DHX16: variants seen among roughly 807,000 people sequenced by gnomAD.
DHX16 encodes DEAH-box helicase 16, also known as pre-mRNA-splicing factor ATP-dependent RNA helicase DHX16.
In DHX16, 81 loss-of-function variants were observed where a neutral mutation model predicts 131.2. The ratio of observed to expected loss-of-function variants is 0.62; its 90% CI spans 0.52 to 0.74. DHX16 has a LOEUF of 0.74. Among genes scored for constraint, DHX16 ranks in the 30% least tolerant of loss-of-function variants. The pLI is 0.00. For synonymous variants in DHX16, 440 were observed against 520.2 expected (o/e 0.85, Z 2.10); for missense variants, 980 against 1,363.1 (o/e 0.72, Z 4.43).
rs191688649 is a variant in DHX16 at position 30,653,854 on chromosome 6, G to C, written c.2998-484C>G. ...CTAGAACAACATGCCAGGCACAGTGGCTCACACCTGTAATCCCAACACTTT... is the reference window on the plus strand; with the variant it reads ...CTAGAACAACATGCCAGGCACAGTGCCTCACACCTGTAATCCCAACACTTT... On this transcript the variant is annotated intron_variant, in intron 19 of 19. Transcript: ENST00000376442. Among the ~76,000 whole-genome samples the C allele has an allele frequency of 2.6e-3, 393 of 152,348 alleles. 1 individual carries two copies. The highest frequency in any genetic ancestry group is 0.014 in the Middle Eastern group (4 of 294).
rs778527121 is a variant in DHX16, at chr6:30,660,241, C to T, written c.1546G>A (p.Val516Met). Reference sequence around the variant, plus strand: ...TCGTGTGCCTCATCCACCATCACCACGCTGGGGAGGGAATAGGAGAGCAAT... The same window carrying T: ...TCGTGTGCCTCATCCACCATCACCATGCTGGGGAGGGAATAGGAGAGCAAT... Reference protein sequence around the residue: ...LSEPDLASYSVVMVDEAHERT... With the variant: ...LSEPDLASYSMVMVDEAHERT... The change falls in exon 10 of 20, where the codon GTG becomes ATG. Residue 516 changes from valine (V) to methionine (M), a missense_variant and splice_region_variant. Val to Met is a conservative substitution (Grantham distance 21, BLOSUM62 1). Coordinates refer to ENST00000376442, the MANE Select transcript of DHX16 (RefSeq NM_003587.5). The T allele has an allele frequency of 7.9e-6, 12 of 1,525,854 alleles. No homozygotes were observed. Among genetic ancestry groups the T allele is most frequent in the Admixed American group, 2.1e-5 (1 of 47,656 alleles). 94.5% of individuals were successfully genotyped at this position (1,525,854 alleles called of 1,614,324 possible).
At chr6:30,669,277 C>T (rs970764026) in intron 4 of DHX16, among the ~76,000 whole-genome samples, 1 of 151,470 alleles carries the variant, frequency 6.6e-6, no homozygotes, top group African/African-American at 2.4e-5. Flanking sequence ...AAAAATTAGC[C>T]GAGTGTGGTA....
Position 30,670,931 on chromosome 6 carries a change from C to T in DHX16, c.468G>A (p.Glu156=). ...KKTGGSKQQT[E]KPESEDEWER... ...CCCACTCATCTTCCGACTCTGGCTT[C>T]TCTGTCTGCTGTTTACTCCCCCTGC... The change falls in exon 3 of 20, where the codon GAG becomes GAA. Residue 156 remains glutamate, a synonymous_variant. Transcript: ENST00000376442. This position sits in a 1 kb window ranked among gnomAD's most constrained non-coding sequence, Gnocchi z 4.4. The T allele has an allele frequency of 6.2e-7, 1 of 1,613,062 alleles. No homozygotes were observed. Among genetic ancestry groups the T allele is most frequent in the Non-Finnish European group, 8.5e-7 (1 of 1,180,022 alleles).
At position 30,670,559 on chromosome 6, in the gene DHX16, G is replaced by A. The variant is rs987750010; in HGVS notation, c.610-93C>T. 5.0e-6 allele frequency: 7 copies of A among 1,397,028 alleles called. No homozygotes were observed. The African/African-American group carries it at 1.0e-4, about 20-fold the overall frequency. The allele number at this position is 1,397,028 out of a possible 1,614,324, so 86.5% of individuals were successfully genotyped here. On this transcript the variant is annotated intron_variant, in intron 3 of 19. Coordinates refer to ENST00000376442, the MANE Select transcript of DHX16 (RefSeq NM_003587.5). The surrounding 1 kb of genome is among the most constrained non-coding windows in gnomAD (Gnocchi z 4.4). ...CTAGAATCACAAGGATCATTCAGAT[G>A]CGCCCTAACACAAAAAATGTCCCCT... is the stretch of plus-strand genomic sequence containing the variant.
chr6:30,660,302 C>G (rs1004407961), intron 9 of DHX16, 60 bp from the exon 10 acceptor site: 1 of 1,369,952 alleles, frequency 7.3e-7, no homozygotes, highest in African/African-American at 1.5e-5. Flanking sequence ...TATCAGACAC[C>G]AGAGTTAACT....
intron 4 of DHX16, among the ~76,000 whole-genome samples, chr6:30,666,338 A>G (rs1769041266): frequency 6.6e-6 from 1 of 152,240 alleles, no homozygotes; most frequent in Non-Finnish European, 1.5e-5. Flanking sequence ...TCTCTTCACC[A>G]TGCTGTGTCT....
Position 30,672,719 on chromosome 6 carries a change from C to T in DHX16, c.123G>A (p.Glu41=), listed in dbSNP as rs771452328. Residue 41 remains glutamate, a synonymous_variant, in exon 1 of 20, where the codon GAG becomes GAA. Coordinates refer to ENST00000376442, the MANE Select transcript of DHX16 (RefSeq NM_003587.5). Reference sequence around the variant, plus strand: ...TGTCTCGTAGGCGCTGCACGAACTCCTCGGCAGAGGTGCAGCGCTGTGCGG... The same window carrying T: ...TGTCTCGTAGGCGCTGCACGAACTCTTCGGCAGAGGTGCAGCGCTGTGCGG... The part of the protein sequence containing the change: ...IGTAQRCTSA[E]EFVQRLRDTD... 6.2e-7 allele frequency: 1 copy of T among 1,613,072 alleles called. No individual in the cohort carries two copies. The highest frequency in any genetic ancestry group is 8.5e-7 in the Non-Finnish European group (1 of 1,180,016).
intron 1 of DHX16, among the ~76,000 whole-genome samples, chr6:30,671,846 CTAATTTT>C (rs1049526892): frequency 1.3e-5 from 2 of 151,520 alleles, no homozygotes; most frequent in Admixed American, 1.3e-4. Context: ...CCACGCTCAA[CTAATTTT>C]TAATTTTTTT....
Position 30,662,071 on chromosome 6 carries a change from A to G in DHX16, c.1544+556T>C. On this transcript the variant is annotated intron_variant, in intron 9 of 19. Coordinates refer to ENST00000376442, the MANE Select transcript of DHX16 (RefSeq NM_003587.5). The surrounding 1 kb of genome is among the most constrained non-coding windows in gnomAD (Gnocchi z 4.7). ...CAACCCCTGCTTGGCCATTTCCAGC[A>G]CTAAGAGCTCATTATTCACAGACCA... is the stretch of plus-strand genomic sequence containing the variant. 1.7e-6 allele frequency: 1 copy of G among 574,726 alleles called. No homozygotes were observed. The highest frequency in any genetic ancestry group is 3.1e-6 in the Non-Finnish European group (1 of 319,122). The allele number at this position is 574,726 out of a possible 1,614,324, so 35.6% of individuals were successfully genotyped here. A position where few individuals can be genotyped will look rare whatever the true frequency, so the allele number is the denominator to read the frequency against.
Position 30,656,666 on chromosome 6 carries a change from C to A in DHX16, c.2242G>T (p.Glu748Ter). 1 of 1,614,092 alleles carries A rather than the reference C, an allele frequency of 6.2e-7. No homozygotes were observed. Among genetic ancestry groups the A allele is most frequent in the South Asian group, 1.1e-5 (1 of 91,082 alleles). ...YTAWAYQHEL[E>*]ETTVPEIQRT... ...TGGATCTCAGGCACTGTGGTTTCCT[C>A]AAGCTCGTGCTGATAGGCCCAGGCG... Residue 748 changes from glutamate to a stop codon, truncating the protein, a stop_gained, in exon 14 of 20, where the codon GAG (glutamate) becomes TAG (stop). Coordinates refer to ENST00000376442, the MANE Select transcript of DHX16 (RefSeq NM_003587.5). LOFTEE classifies it high-confidence loss of function. This position sits in a 1 kb window ranked among gnomAD's most constrained non-coding sequence, Gnocchi z 5.1.
chr6:30,655,157 G>A lies in DHX16; in HGVS notation c.2823+18C>T, dbSNP rs118112419. 5.0e-3 allele frequency: 8,126 copies of A among 1,614,030 alleles called. 116 individuals are homozygous for A. The highest frequency in any genetic ancestry group is 0.03 in the East Asian group (1,340 of 44,868). ...AAGGTACTGGGGGTGGAAAGCAGGA[G>A]GCTGAAGAAATGCTGACCTTGCGTA... On this transcript the variant is annotated intron_variant, in intron 18 of 19. Transcript: ENST00000376442.
At position 30,672,768 on chromosome 6, in the gene DHX16, T is replaced by C; in HGVS notation, c.74A>G (p.His25Arg). Residue 25 changes from histidine (H) to arginine (R), a missense_variant, in exon 1 of 20, where the codon CAC becomes CGC. His to Arg is a conservative substitution (Grantham distance 29). Around this residue, in one of 3 missense-constraint regions of DHX16, gnomAD observed 457 missense variants for 554.8 expected, o/e 0.82. Coordinates refer to ENST00000376442, the MANE Select transcript of DHX16 (RefSeq NM_003587.5). ...GGTACCGATCAGAAACTGGGCGACG[T>C]GCCGCTCGCTCAGCCCCAACACCGA... The part of the protein sequence containing the change: ...LHSVLGLSER[H>R]VAQFLIGTAQ... The C allele has an allele frequency of 6.2e-7, 1 of 1,613,042 alleles. No homozygotes were observed. Among genetic ancestry groups the C allele is most frequent in the Non-Finnish European group, 8.5e-7 (1 of 1,180,024 alleles).
At chr6:30,672,514 C>T (rs1769661068) in intron 1 of DHX16, 121 bp downstream of exon 1, 1 of 910,192 alleles carries the variant, frequency 1.1e-6, no homozygotes, top group Admixed American at 2.4e-5. Context: ...TAGCACAGTA[C>T]CTACGCGACA....
In DHX16 at chr6:30,672,997, C is replaced by A; in HGVS notation, c.-156G>T. 6.4e-7 allele frequency: 1 copy of A among 1,550,702 alleles called. No homozygotes were observed. Among genetic ancestry groups the A allele is most frequent in the Non-Finnish European group, 8.7e-7 (1 of 1,146,638 alleles). ...TCTTCCGACATCCCAAAGCTGTCTT[C>A]CCGTACCGCGGAGCCCGGAAGGGGC... On this transcript the variant is annotated 5_prime_UTR_variant, in exon 1 of 20. Coordinates refer to ENST00000376442, the MANE Select transcript of DHX16 (RefSeq NM_003587.5).
At position 30,662,885 on chromosome 6, in the gene DHX16, AC is replaced by A. The variant is rs771019906; in HGVS notation, c.1428+25del. The A allele has an allele frequency of 1.9e-5, 30 of 1,604,000 alleles. No homozygotes were observed. The highest frequency in any genetic ancestry group is 3.8e-4 in the Middle Eastern group (2 of 5,306). On this transcript the variant is annotated intron_variant, in intron 8 of 19. Coordinates refer to ENST00000376442, the MANE Select transcript of DHX16 (RefSeq NM_003587.5). The surrounding 1 kb of genome is among the most constrained non-coding windows in gnomAD (Gnocchi z 4.7). ...GACTGAGTCACAGACCCCAGACTCT[AC>A]CCCCCGGTTCCCTAGAAATCTCACC...
At position 30,672,828 on chromosome 6, in the gene DHX16, G is replaced by T; in HGVS notation, c.14C>A (p.Ala5Glu). ...GTCCTGAACCCAGCGCTCCAGACCC[G>T]CCGGCGTCGCCATGGCGACTCACGC... is the stretch of plus-strand genomic sequence containing the variant. Reference protein sequence around the residue: MATPAGLERWVQDEL... With the variant: MATPEGLERWVQDEL... Residue 5 changes from alanine (A) to glutamate (E), a missense_variant, in exon 1 of 20, where the codon GCG becomes GAG. This residue lies in a region of DHX16 where 457 missense variants were observed against 554.8 expected (regional missense o/e 0.82). Coordinates refer to ENST00000376442, the MANE Select transcript of DHX16 (RefSeq NM_003587.5). The T allele has an allele frequency of 6.2e-7, 1 of 1,612,354 alleles. No individual in the cohort carries two copies. Among genetic ancestry groups the T allele is most frequent in the Non-Finnish European group, 8.5e-7 (1 of 1,179,586 alleles).
chr6:30,669,218 T>C (rs570434189), intron 4 of DHX16, among the ~76,000 whole-genome samples: 29 of 152,106 alleles, frequency 1.9e-4, no homozygotes, highest in Non-Finnish European at 2.9e-5. Flanking sequence ...GGTCAAGAGA[T>C]CAAGACCATC....
rs1447484595 is a variant in DHX16 at position 30,659,806 on chromosome 6, CA to C, written c.1783del (p.Cys595ValfsTer2). 1 of 1,614,100 alleles carries C rather than the reference CA, an allele frequency of 6.2e-7. No homozygotes were observed. The highest frequency in any genetic ancestry group is 8.5e-7 in the Non-Finnish European group (1 of 1,180,042). ...KAPEADYLEACVVSVLQIHVT... is the reference protein window; with the variant it reads ...KAPEADYLEAXVVSVLQIHVT... ...ATGGATCTGCAACACAGATACTACA[CA>C]AGCTTCCAAGTAGTCAGCCTCTGGA... is the stretch of plus-strand genomic sequence containing the variant. On this transcript the variant is annotated frameshift_variant, in exon 11 of 20. Coordinates refer to ENST00000376442, the MANE Select transcript of DHX16 (RefSeq NM_003587.5). LOFTEE classifies it high-confidence loss of function.
intron 1 of DHX16, 146 bp downstream of exon 1, chr6:30,672,489 T>C: frequency 1.4e-6 from 1 of 709,652 alleles, no homozygotes; most frequent in South Asian, 1.9e-5. Flanking sequence ...TCCACTGAGC[T>C]GGGCGTCCAG....
Sources: gnomAD v4.1 joint callset for allele counts (sites outside exome capture counted in the v4.1 genomes callset) on GRCh38, gnomAD v4.1.1 for gene constraint, gnomAD v4.1.1 regional missense constraint, Gnocchi (gnomAD v3.1) non-coding constraint, MANE v1.5 for transcripts, NCBI Gene and HGNC (gene_info 2026-07-23, HGNC 2026-07-21) for gene names.